The following SLC35D2 variants were observed in gnomAD, a reference collection of about 807,000 sequenced individuals.
SLC35D2 encodes solute carrier family 35 member D2.
SLC35D2 carries 43 observed loss-of-function variants against 41.8 expected under a neutral mutation model. The ratio of observed to expected loss-of-function variants is 1.03; its 90% CI spans 0.81 to 1.33. SLC35D2 has a LOEUF of 1.33. Ranked by LOEUF, SLC35D2 falls within the 40% of genes most tolerant of loss-of-function variation. The probability of loss-of-function intolerance (pLI) is 0.00; values close to 1 mark genes in which losing one functional copy is unlikely to be tolerated. For missense variants in SLC35D2, 380 were observed against 408.4 expected (o/e 0.93, Z 0.60); for synonymous variants, 150 against 163.9 (o/e 0.92, Z 0.65).
At chr9:96,344,564 G>GAAA (rs760661695) in intron 7 of SLC35D2, among the ~76,000 whole-genome samples, 3 of 24,600 alleles carry the variant, frequency 1.2e-4, no homozygotes, top group South Asian at 7.7e-4. Context: ...AAACAGAGCA[G>GAAA]ATAAAAAAAA....
At chr9:96,316,750 T>G (rs78212836), downstream of SLC35D2, among the ~76,000 whole-genome samples, 15 of 147,408 alleles carry the variant, frequency 1.0e-4, no homozygotes, top group South Asian at 3.3e-3. Context: ...ACAAAAAATA[T>G]ATATTTCACT....
chr9:96,339,234 C>G (rs1485701300), intron 8 of SLC35D2, among the ~76,000 whole-genome samples: 1 of 152,148 alleles, frequency 6.6e-6, no homozygotes. Context: ...CCTCAGCCTC[C>G]CAAGTAGCTG....
At position 96,344,714 on chromosome 9, in the gene SLC35D2, G is replaced by A. The variant is rs1021582432; in HGVS notation, c.591+585C>T. Among the ~76,000 whole-genome samples, 2 of 146,926 alleles carry A rather than the reference G, an allele frequency of 1.4e-5. 1 individual carries two copies. The highest frequency in any genetic ancestry group is 3.0e-5 in the Non-Finnish European group (2 of 66,462). On this transcript the variant is annotated intron_variant, in intron 7 of 11. Coordinates refer to ENST00000253270, the MANE Select transcript of SLC35D2 (RefSeq NM_007001.3). ...CTCCGGGCTTCCTTGTAACAGCTGG[G>A]GGTGGGGGAGGGATGGGGGAGGGGG...
intron 9 of SLC35D2, among the ~76,000 whole-genome samples, chr9:96,325,004 G>C (rs867694745): frequency 6.6e-6 from 1 of 152,218 alleles, no homozygotes; most frequent in Admixed American, 6.5e-5. Context: ...GGTGTCAGAA[G>C]AGAAAATCAG....
intron 2 of SLC35D2, among the ~76,000 whole-genome samples, chr9:96,367,219 C>CAAA (rs1171888357): frequency 2.7e-4 from 19 of 70,876 alleles, no homozygotes; most frequent in African/African-American, 3.9e-4. Flanking sequence ...GACTCAGTCA[C>CAAA]AAAAAAAAAA....
chr9:96,366,827 T>C (rs1198396931), intron 2 of SLC35D2, among the ~76,000 whole-genome samples: 1 of 151,804 alleles, frequency 6.6e-6, no homozygotes, highest in African/African-American at 2.4e-5. Flanking sequence ...CATTGAAATA[T>C]AAAGATAATT....
At position 96,337,708 on chromosome 9, in the gene SLC35D2, G is replaced by A. The variant is rs545881207; in HGVS notation, c.685-924C>T. ...TTTAAGACTTCATTTTTGGCCGGGC[G>A]CAGTGGCTCACGCTTGTAATCCCAG... On this transcript the variant is annotated intron_variant, in intron 8 of 11. Transcript: ENST00000253270. Among the ~76,000 whole-genome samples, 9 of 151,972 alleles carry A rather than the reference G, an allele frequency of 5.9e-5. No homozygotes were observed. In the South Asian group the frequency reaches 8.3e-4, roughly 14 times the overall value.
intron 1 of SLC35D2, among the ~76,000 whole-genome samples, chr9:96,371,825 C>G (rs1195562843): frequency 1.3e-4 from 19 of 141,358 alleles, no homozygotes; most frequent in African/African-American, 4.7e-4. Context: ...CTCCCGGGTT[C>G]ACGCCATTCT....
chr9:96,374,481 T>A (rs1420637930), intron 1 of SLC35D2, among the ~76,000 whole-genome samples: 2 of 113,736 alleles, frequency 1.8e-5, no homozygotes, highest in African/African-American at 6.9e-5. Context: ...TTGCAGTGAG[T>A]CGAAATCGTG....
At chr9:96,331,967 A>G (rs1218367577) in intron 9 of SLC35D2, among the ~76,000 whole-genome samples, 1 of 152,176 alleles carries the variant, frequency 6.6e-6, no homozygotes, top group Non-Finnish European at 1.5e-5. Context: ...TCCTGCATCC[A>G]TGGAAAAATT....
intron 10 of SLC35D2, 102 bp from the exon 11 acceptor site, chr9:96,322,182 G>C: frequency 1.3e-6 from 1 of 758,300 alleles, no homozygotes; most frequent in Non-Finnish European, 2.3e-6. Flanking sequence ...ACTTTGCATA[G>C]AGACTTGTAC....
At position 96,315,397 on chromosome 9, in the gene SLC35D2, A is replaced by AT. The variant is rs1828026404; in HGVS notation, c.*1036-499dup. On this transcript the variant is annotated intron_variant and NMD_transcript_variant, in intron 11 of 11. Transcript: ENST00000650065. Reference sequence around the variant, plus strand: ...TGCTTTGGCCTTCCAAAATGCTAGGATTACAGATATGAGCTACTGTGCCCG... The same window carrying AT: ...TGCTTTGGCCTTCCAAAATGCTAGGATTTACAGATATGAGCTACTGTGCCCG... Among the ~76,000 whole-genome samples the AT allele has an allele frequency of 3.3e-5, 5 of 149,436 alleles. No individual in the cohort carries two copies. In the South Asian group the frequency reaches 1.1e-3, roughly 31 times the overall value.
At chr9:96,331,122 G>A (rs557939599) in intron 9 of SLC35D2, among the ~76,000 whole-genome samples, 4 of 152,130 alleles carry the variant, frequency 2.6e-5, no homozygotes, top group Middle Eastern at 3.4e-3. Flanking sequence ...GATCTCGAAC[G>A]CCTGACCTCA....
At chr9:96,358,315 A>G (rs1170829533) in intron 4 of SLC35D2, among the ~76,000 whole-genome samples, 2 of 151,904 alleles carry the variant, frequency 1.3e-5, no homozygotes, top group African/African-American at 4.8e-5. Flanking sequence ...ATTCTGGAAG[A>G]TAGCATTTGG....
At chr9:96,338,431 T>C (rs10990610) in intron 8 of SLC35D2, among the ~76,000 whole-genome samples, 27,099 of 151,882 alleles carry the variant, frequency 0.18, 2,735 homozygotes, top group African/African-American at 0.27. Context: ...GTGTGCACAC[T>C]TGTAGTCCCA....
At chr9:96,356,670 AC>A (rs2130956219) in intron 4 of SLC35D2, among the ~76,000 whole-genome samples, 1 of 151,820 alleles carries the variant, frequency 6.6e-6, no homozygotes. Context: ...GGAGTTCGAG[AC>A]CAGCCTGGGC....
rs1399915422 is a variant in SLC35D2, at chr9:96,383,672, C to G, written c.-38G>C. The G allele has an allele frequency of 9.0e-6, 9 of 1,000,390 alleles. No individual in the cohort carries two copies. Among genetic ancestry groups the G allele is most frequent in the Non-Finnish European group, 9.5e-6 (8 of 840,440 alleles). 62.0% of individuals were successfully genotyped at this position (1,000,390 alleles called of 1,614,324 possible). On this transcript the variant is annotated 5_prime_UTR_variant, in exon 1 of 12. Coordinates refer to ENST00000253270, the MANE Select transcript of SLC35D2 (RefSeq NM_007001.3). Reference sequence around the variant, plus strand: ...CGCGGACCCCGCCGCCCGCCAGCCCCGGCTGCGCACTGGTCCCGCCCGGCC... The same window carrying G: ...CGCGGACCCCGCCGCCCGCCAGCCCGGGCTGCGCACTGGTCCCGCCCGGCC...
intron 1 of SLC35D2, among the ~76,000 whole-genome samples, chr9:96,382,582 C>T (rs1382540349): frequency 5.3e-5 from 8 of 150,910 alleles, no homozygotes; most frequent in Admixed American, 4.0e-4. Flanking sequence ...CCTCAGCTTT[C>T]GTATTTTATA....
rs111766678 is a variant in SLC35D2 at position 96,356,948 on chromosome 9, G to C, written c.347+3206C>G. Among the ~76,000 whole-genome samples the C allele has an allele frequency of 2.5e-3, 376 of 152,224 alleles. 1 individual carries two copies. Among genetic ancestry groups the C allele is most frequent in the African/African-American group, 8.4e-3 (351 of 41,544 alleles). On this transcript the variant is annotated intron_variant, in intron 4 of 11. Coordinates refer to ENST00000253270, the MANE Select transcript of SLC35D2 (RefSeq NM_007001.3). ...TGTAATCCCAGCACTTTGGGAGGCC[G>C]AGGCAGATGGATCACCTGAGGTCAG...
Sources: allele counts gnomAD v4.1 joint callset (sites outside exome capture counted in the v4.1 genomes callset), GRCh38; gene constraint gnomAD v4.1.1; transcripts MANE v1.5; gene names NCBI Gene and HGNC (gene_info 2026-07-23, HGNC 2026-07-21).